Variants in SUPT3H observed in about 807,000 individuals in gnomAD.
The protein encoded by SUPT3H is SPT3 homolog, SAGA and STAGA complex component.
In SUPT3H, 44 loss-of-function variants were observed where a neutral mutation model predicts 44.3. That is an observed-to-expected ratio of 0.99 (90% confidence interval 0.78 to 1.28). SUPT3H has a LOEUF of 1.28. SUPT3H is among the 50% of genes most tolerant of loss of function. The pLI is 0.00. For missense variants in SUPT3H, 380 were observed against 387.1 expected, an observed-to-expected ratio of 0.98 and a Z score of 0.15; for synonymous variants, 124 against 125.6, an observed-to-expected ratio of 0.99 and a Z score of 0.09.
At chr6:44,936,845 T>C (rs549605379) in intron 9 of SUPT3H, among the ~76,000 whole-genome samples, 51 of 152,070 alleles carry the variant, frequency 3.4e-4, no homozygotes, top group Admixed American at 1.3e-4. Context: ...TTTTGTATTG[T>C]TAGTAGAGAC....
intron 3 of SUPT3H, among the ~76,000 whole-genome samples, chr6:45,070,803 C>T (rs1794270690): frequency 7.0e-6 from 1 of 143,278 alleles, no homozygotes; most frequent in South Asian, 2.3e-4. Flanking sequence ...TTTTTACAAA[C>T]TGGAGTGACG....
chr6:44,827,126 A>G lies in SUPT3H; in HGVS notation c.*2690T>C, dbSNP rs1767842685. ...TTATTTATTGGCTTATTTATTTTCA[A>G]ATTCAGTCTCTAAAATACAAGGGAC... On this transcript the variant is annotated 3_prime_UTR_variant, in exon 11 of 11. Transcript: ENST00000371459. 6.6e-6 allele frequency among the ~76,000 whole-genome samples: 1 copy of G among 152,124 alleles called. No individual in the cohort carries two copies. Among genetic ancestry groups the G allele is most frequent in the African/African-American group, 2.4e-5 (1 of 41,444 alleles).
chr6:45,308,266 C>G (rs575024618), intron 2 of SUPT3H, among the ~76,000 whole-genome samples: 1 of 151,972 alleles, frequency 6.6e-6, no homozygotes, highest in African/African-American at 2.4e-5. Context: ...AGATACTCCT[C>G]GAGAAGAGCA....
chr6:45,105,868 C>T, intron 3 of SUPT3H, 54 bp downstream of exon 3: 1 of 1,369,832 alleles, frequency 7.3e-7, no homozygotes, highest in Non-Finnish European at 1.0e-6. Flanking sequence ...GGGTTACCAT[C>T]CTAATAAAAG....
At chr6:45,182,049 C>CT (rs1044101019) in intron 2 of SUPT3H, among the ~76,000 whole-genome samples, 3 of 151,816 alleles carry the variant, frequency 2.0e-5, no homozygotes, top group Non-Finnish European at 4.4e-5. Flanking sequence ...AATACGTTTC[C>CT]TTTTTTGTTG....
chr6:45,012,425 T>G (rs993067178), intron 5 of SUPT3H, among the ~76,000 whole-genome samples: 2 of 152,058 alleles, frequency 1.3e-5, no homozygotes, highest in Non-Finnish European at 2.9e-5. Flanking sequence ...TTCTGCCAGC[T>G]GAAAACAACT....
chr6:45,159,749 T>C (rs550836801), intron 2 of SUPT3H, among the ~76,000 whole-genome samples: 7 of 152,198 alleles, frequency 4.6e-5, no homozygotes, highest in Non-Finnish European at 1.0e-4. Context: ...CTTATTACTT[T>C]TTTGGTTTGT....
At chr6:45,271,535 G>C (rs1174364474) in intron 2 of SUPT3H, among the ~76,000 whole-genome samples, 1 of 152,190 alleles carries the variant, frequency 6.6e-6, no homozygotes, top group Non-Finnish European at 1.5e-5. Flanking sequence ...TGAAGCCTGT[G>C]AGCCTCCACC....
intron 2 of SUPT3H, among the ~76,000 whole-genome samples, chr6:45,338,808 G>A (rs1020375343): frequency 6.6e-6 from 1 of 151,972 alleles, no homozygotes; most frequent in African/African-American, 2.4e-5. Flanking sequence ...GATGAGACAA[G>A]GGAGGCATCC....
At position 44,980,010 on chromosome 6, in the gene SUPT3H, G is replaced by A. The variant is rs143967863; in HGVS notation, c.505-18182C>T. Among the ~76,000 whole-genome samples, 9 of 152,208 alleles carry A rather than the reference G, an allele frequency of 5.9e-5. No homozygotes were observed. In the East Asian group the frequency reaches 1.7e-3, roughly 29 times the overall value. On this transcript the variant is annotated intron_variant, in intron 6 of 10. Coordinates refer to ENST00000371459, the MANE Select transcript of SUPT3H (RefSeq NM_003599.4). ...AGATTATTTCTGGCTACATATATAA[G>A]CCAAAATTATAGTTGCTTAGGCAAG... is the stretch of plus-strand genomic sequence containing the variant.
chr6:45,330,579 A>G (rs959363401), intron 2 of SUPT3H, among the ~76,000 whole-genome samples: 1 of 152,068 alleles, frequency 6.6e-6, no homozygotes, highest in African/African-American at 2.4e-5. Flanking sequence ...CATGAAGAAT[A>G]TGTTAAAATT....
chr6:45,055,266 A>G (rs947799628), intron 3 of SUPT3H, among the ~76,000 whole-genome samples: 1 of 152,166 alleles, frequency 6.6e-6, no homozygotes, highest in Admixed American at 6.5e-5. Context: ...TACTAATTCA[A>G]TGCAATTCCC....
chr6:45,181,118 C>G (rs1287911405), intron 2 of SUPT3H, among the ~76,000 whole-genome samples: 1 of 149,214 alleles, frequency 6.7e-6, no homozygotes, highest in Non-Finnish European at 1.5e-5. Context: ...TGAAAAAATG[C>G]TCACCATCGC....
At chr6:44,834,155 T>C (rs1769379275) in intron 10 of SUPT3H, among the ~76,000 whole-genome samples, 1 of 152,126 alleles carries the variant, frequency 6.6e-6, no homozygotes, top group Admixed American at 6.5e-5. Flanking sequence ...AGGTGCATAG[T>C]GAGAGCTGAG....
chr6:44,865,590 G>A (rs1388890881), intron 10 of SUPT3H, among the ~76,000 whole-genome samples: 1 of 152,006 alleles, frequency 6.6e-6, no homozygotes, highest in Non-Finnish European at 1.5e-5. Flanking sequence ...AAATGAAACA[G>A]GTTTTCCCTT....
At chr6:45,019,537 T>C (rs564974419) in intron 4 of SUPT3H, among the ~76,000 whole-genome samples, 3 of 152,166 alleles carry the variant, frequency 2.0e-5, no homozygotes, top group South Asian at 4.1e-4. Flanking sequence ...TGATAATCCT[T>C]TGTAGCTTGT....
chr6:44,865,747 A>G (rs2153427524), intron 10 of SUPT3H, among the ~76,000 whole-genome samples: 1 of 152,330 alleles, frequency 6.6e-6, no homozygotes, highest in African/African-American at 2.4e-5. Flanking sequence ...TTGAGTGGGG[A>G]AACAGAGCCA....
chr6:45,176,355 C>T (rs998689262), intron 2 of SUPT3H, among the ~76,000 whole-genome samples: 1 of 151,964 alleles, frequency 6.6e-6, no homozygotes, highest in South Asian at 2.1e-4. Flanking sequence ...CCGAATATTG[C>T]GCTTTTCAGA....
At chr6:45,027,745 C>T (rs750846627) in intron 3 of SUPT3H, among the ~76,000 whole-genome samples, 2 of 152,114 alleles carry the variant, frequency 1.3e-5, no homozygotes, top group Non-Finnish European at 2.9e-5. Context: ...TTTTAAAAAT[C>T]TTGTATGTCT....
Sources: allele counts gnomAD v4.1 joint callset (sites outside exome capture counted in the v4.1 genomes callset), GRCh38; gene constraint gnomAD v4.1.1; transcripts MANE v1.5; gene names NCBI Gene and HGNC (gene_info 2026-07-23, HGNC 2026-07-21).